The following THSD4 variants were observed in gnomAD, a reference collection of about 807,000 sequenced individuals.
THSD4 encodes thrombospondin type 1 domain containing 4.
THSD4 carries 69 observed loss-of-function variants against 119.0 expected under a neutral mutation model. The observed-to-expected ratio is 0.58, with a 90% CI of 0.48 to 0.71. THSD4 has a LOEUF of 0.71. THSD4 is among the 30% of genes least tolerant of loss of function. The probability of loss-of-function intolerance (pLI) is 0.00; values close to 1 mark genes in which losing one functional copy is unlikely to be tolerated. For synonymous variants in THSD4, 524 were observed against 540.4 expected, an observed-to-expected ratio of 0.97 and a Z score of 0.42; for missense variants, 1,393 against 1,391.1, an observed-to-expected ratio of 1.00 and a Z score of -0.02.
intron 7 of THSD4, among the ~76,000 whole-genome samples, chr15:71,437,985 AG>A (rs1436179941): frequency 3.3e-5 from 5 of 152,216 alleles, no homozygotes; most frequent in Admixed American, 3.3e-4. Context: ...CTGAACCTTC[AG>A]GGACTGGGCT....
chr15:71,528,107 T>G (rs1401024832), intron 7 of THSD4, among the ~76,000 whole-genome samples: 2 of 152,182 alleles, frequency 1.3e-5, no homozygotes, highest in Non-Finnish European at 2.9e-5. Flanking sequence ...TGGACTCTCT[T>G]GCTCTCAGAC....
At chr15:71,772,620 G>C (rs2053842061) in intron 17 of THSD4, among the ~76,000 whole-genome samples, 1 of 152,140 alleles carries the variant, frequency 6.6e-6, no homozygotes, top group African/African-American at 2.4e-5. Context: ...TATTAGGTTG[G>C]TGCAAAAGTA....
chr15:71,467,872 G>T (rs1347594518), intron 7 of THSD4, among the ~76,000 whole-genome samples: 2 of 145,340 alleles, frequency 1.4e-5, no homozygotes, highest in Non-Finnish European at 3.0e-5. Context: ...TTTTTGAGAC[G>T]GAGTTTTGCT....
intron 17 of THSD4, among the ~76,000 whole-genome samples, chr15:71,776,861 A>G (rs2053923159): frequency 1.3e-5 from 2 of 152,238 alleles, no homozygotes; most frequent in Admixed American, 6.5e-5. Context: ...TACAGTATGT[A>G]TCTTTTATGT....
chr15:71,162,693 T>C (rs577283441), intron 3 of THSD4, among the ~76,000 whole-genome samples: 3 of 152,190 alleles, frequency 2.0e-5, no homozygotes, highest in Non-Finnish European at 4.4e-5. Context: ...TAGAAAATAT[T>C]GTTGTTGTCG....
chr15:71,201,979 A>G (rs2043807320), intron 3 of THSD4, among the ~76,000 whole-genome samples: 1 of 152,174 alleles, frequency 6.6e-6, no homozygotes, highest in Admixed American at 6.5e-5. Context: ...AGATCAAGCC[A>G]AAGATCTGTT....
intron 7 of THSD4, among the ~76,000 whole-genome samples, chr15:71,535,088 T>C (rs1243559839): frequency 2.0e-5 from 3 of 152,216 alleles, no homozygotes; most frequent in Non-Finnish European, 4.4e-5. Context: ...AACATTTTCA[T>C]CACTCCCAAA....
At chr15:71,339,682 G>T (rs1444102483) in intron 6 of THSD4, among the ~76,000 whole-genome samples, 2 of 151,982 alleles carry the variant, frequency 1.3e-5, no homozygotes, top group Non-Finnish European at 2.9e-5. Flanking sequence ...TCTAAAATTG[G>T]AATAATAAAA....
At chr15:71,255,412 A>C (rs974543826) in intron 5 of THSD4, among the ~76,000 whole-genome samples, 1 of 152,230 alleles carries the variant, frequency 6.6e-6, no homozygotes, top group African/African-American at 2.4e-5. Flanking sequence ...ATAAATGAGG[A>C]AGAGATAAGC....
chr15:71,277,433 G>T (rs903759156), intron 6 of THSD4, among the ~76,000 whole-genome samples: 2 of 152,066 alleles, frequency 1.3e-5, no homozygotes, highest in African/African-American at 4.8e-5. Context: ...GCCTGTATCT[G>T]AATTATTGTT....
chr15:71,200,924 T>C (rs1440957400), intron 3 of THSD4, among the ~76,000 whole-genome samples: 1 of 152,226 alleles, frequency 6.6e-6, no homozygotes, highest in African/African-American at 2.4e-5. Context: ...TGCCCCAAGC[T>C]GGCTTCCCTT....
intron 6 of THSD4, among the ~76,000 whole-genome samples, chr15:71,317,682 CAT>C (rs1049171146): frequency 8.2e-4 from 125 of 152,226 alleles, no homozygotes; most frequent in African/African-American, 2.7e-3. Context: ...CGTTTTTTCA[CAT>C]GATTCCAAGG....
At position 71,243,781 on chromosome 15, in the gene THSD4, C is replaced by CTTT. The variant is rs34842560; in HGVS notation, c.912+704_912+706dup. On this transcript the variant is annotated intron_variant, in intron 5 of 17. Coordinates refer to ENST00000261862, the MANE Select transcript of THSD4 (RefSeq NM_024817.3). ...CATAAGCCAGGCCTTGTGCTCAGCA[C>CTTT]TTTTTTTTTTTTTTTTTTTTTGAGA... Among the ~76,000 whole-genome samples, 160 of 104,922 alleles carry CTTT rather than the reference C, an allele frequency of 1.5e-3. 4 individuals are homozygous for CTTT. The highest frequency in any genetic ancestry group is 1.9e-3 in the East Asian group (7 of 3,612). 68.8% of individuals were successfully genotyped at this position (104,922 alleles called of 152,430 possible).
chr15:71,665,710 C>T (rs577107939), intron 8 of THSD4, among the ~76,000 whole-genome samples: 1 of 152,162 alleles, frequency 6.6e-6, no homozygotes, highest in Non-Finnish European at 1.5e-5. Context: ...CAATCTTCTC[C>T]ATATGGCTAG....
chr15:71,136,864 A>G (rs530363142), intron 1 of THSD4, among the ~76,000 whole-genome samples: 83 of 152,246 alleles, frequency 5.5e-4, no homozygotes, highest in African/African-American at 2.0e-3. Context: ...GGGCGGCAGA[A>G]TGGTGTCATA....
intron 8 of THSD4, among the ~76,000 whole-genome samples, chr15:71,687,686 C>A (rs551464431): frequency 6.7e-6 from 1 of 149,000 alleles, no homozygotes; most frequent in Non-Finnish European, 1.5e-5. Flanking sequence ...ACCCGGGAGA[C>A]GGAGGCTGCA....
intron 6 of THSD4, among the ~76,000 whole-genome samples, chr15:71,266,121 T>C (rs1273844517): frequency 1.3e-5 from 2 of 152,246 alleles, no homozygotes; most frequent in African/African-American, 4.8e-5. Flanking sequence ...AGGGACAGAC[T>C]GCCTCCTCAA....
At chr15:71,134,603 G>A (rs1028978979) in intron 1 of THSD4, among the ~76,000 whole-genome samples, 4 of 152,226 alleles carry the variant, frequency 2.6e-5, no homozygotes, top group African/African-American at 9.6e-5. Context: ...GTGATTGCAT[G>A]CCCGCCCTGT....
chr15:71,479,981 G>A (rs540666958), intron 7 of THSD4, among the ~76,000 whole-genome samples: 85 of 152,282 alleles, frequency 5.6e-4, no homozygotes, highest in African/African-American at 2.0e-3. Context: ...TGTTTATATT[G>A]TATAAAATAA....
Sources: allele counts gnomAD v4.1 joint callset (sites outside exome capture counted in the v4.1 genomes callset), GRCh38; gene constraint gnomAD v4.1.1; transcripts MANE v1.5; gene names NCBI Gene and HGNC (gene_info 2026-07-23, HGNC 2026-07-21).